The following GRIN2B variants were observed in gnomAD, a reference collection of about 807,000 sequenced individuals.
The protein encoded by GRIN2B is glutamate ionotropic receptor NMDA type subunit 2B.
GRIN2B carries 5 observed loss-of-function variants against 114.5 expected under a neutral mutation model. That is an observed-to-expected ratio of 0.04 (90% confidence interval 0.02 to 0.09). The LOEUF is 0.09. Among genes scored for constraint, GRIN2B ranks in the 10% least tolerant of loss-of-function variants. The probability of loss-of-function intolerance (pLI) is 1.00; values close to 1 mark genes in which losing one functional copy is unlikely to be tolerated. For missense variants in GRIN2B, 1,108 were observed against 1,943.5 expected (o/e 0.57, Z 8.08); for synonymous variants, 787 against 745.1 (o/e 1.06, Z -0.92).
chr12:13,834,197 A>ATTTTTTTTTTT lies in GRIN2B; in HGVS notation c.411+31590_411+31600dup, dbSNP rs756189402. Among the ~76,000 whole-genome samples the ATTTTTTTTTTT allele has an allele frequency of 3.4e-4, 38 of 111,502 alleles. 2 individuals carry two copies. Among genetic ancestry groups the ATTTTTTTTTTT allele is most frequent in the African/African-American group, 1.3e-3 (36 of 27,542 alleles). 73.1% of individuals were successfully genotyped at this position (111,502 alleles called of 152,430 possible). ...AGGTGCCCACCACCACGCCTGGCTA[A>ATTTTTTTTTTT]TTTTTTTTTTTTTTTTTTTTTAGTA... is the stretch of plus-strand genomic sequence containing the variant. On this transcript the variant is annotated intron_variant, in intron 3 of 13. Coordinates refer to ENST00000609686, the MANE Select transcript of GRIN2B (RefSeq NM_000834.5).
chr12:13,791,796 C>T (rs189549589), intron 3 of GRIN2B, among the ~76,000 whole-genome samples: 47 of 152,300 alleles, frequency 3.1e-4, no homozygotes, highest in Non-Finnish European at 5.3e-4. Flanking sequence ...TTTATCTCTT[C>T]TTTAAGCTAA....
intron 3 of GRIN2B, among the ~76,000 whole-genome samples, chr12:13,774,687 A>C (rs1863970132): frequency 6.6e-6 from 1 of 152,230 alleles, no homozygotes; most frequent in Non-Finnish European, 1.5e-5. Flanking sequence ...CATGTCTGGC[A>C]AACAGTTTAG....
chr12:13,597,522 G>A (rs766060354), intron 10 of GRIN2B, among the ~76,000 whole-genome samples: 4 of 152,164 alleles, frequency 2.6e-5, no homozygotes, highest in Non-Finnish European at 5.9e-5. Context: ...TCTGCATAGG[G>A]CACCAATTCA....
At chr12:13,936,004 T>C (rs145968000) in intron 2 of GRIN2B, among the ~76,000 whole-genome samples, 78 of 152,254 alleles carry the variant, frequency 5.1e-4, no homozygotes, top group Non-Finnish European at 7.5e-4. Context: ...GTGGCTGCAC[T>C]GTGCTGAGGA....
intron 2 of GRIN2B, among the ~76,000 whole-genome samples, chr12:13,879,581 C>A (rs1057201867): frequency 5.3e-5 from 8 of 151,502 alleles, no homozygotes; most frequent in Non-Finnish European, 8.8e-5. Flanking sequence ...AATATAGTTG[C>A]AATTTGGTCA....
At chr12:13,714,406 G>A (rs1320047386) in intron 4 of GRIN2B, among the ~76,000 whole-genome samples, 1 of 151,818 alleles carries the variant, frequency 6.6e-6, no homozygotes, top group African/African-American at 2.4e-5. Flanking sequence ...TAGCAAAGCT[G>A]GAGAGAAATA....
At chr12:13,907,610 TATAAC>T (rs1366409656) in intron 2 of GRIN2B, among the ~76,000 whole-genome samples, 1 of 152,194 alleles carries the variant, frequency 6.6e-6, no homozygotes, top group Non-Finnish European at 1.5e-5. Flanking sequence ...GAATAGTGGT[TATAAC>T]ATAACAGGGA....
chr12:13,754,854 C>T (rs932154232), intron 3 of GRIN2B, among the ~76,000 whole-genome samples: 2 of 141,206 alleles, frequency 1.4e-5, no homozygotes, highest in South Asian at 2.1e-4. Flanking sequence ...TTTCTCCTTC[C>T]TTTCCAGGGA....
chr12:13,674,021 T>C (rs931745648), intron 5 of GRIN2B, among the ~76,000 whole-genome samples: 4 of 151,960 alleles, frequency 2.6e-5, no homozygotes, highest in Admixed American at 1.3e-4. Context: ...AACAACCATT[T>C]CTGAACAAAT....
chr12:13,699,669 C>T (rs1401572283), intron 4 of GRIN2B, among the ~76,000 whole-genome samples: 3 of 151,862 alleles, frequency 2.0e-5, no homozygotes, highest in Non-Finnish European at 4.4e-5. Flanking sequence ...CTCACTGCAA[C>T]CTCCGCCTCC....
intron 3 of GRIN2B, among the ~76,000 whole-genome samples, chr12:13,785,710 T>G (rs1240520840): frequency 6.6e-6 from 1 of 152,216 alleles, no homozygotes; most frequent in Non-Finnish European, 1.5e-5. Flanking sequence ...TGCTAAGCAC[T>G]CTATGTGCAT....
intron 3 of GRIN2B, among the ~76,000 whole-genome samples, chr12:13,844,312 G>C (rs142256486): frequency 2.6e-5 from 4 of 151,996 alleles, no homozygotes; most frequent in Non-Finnish European, 4.4e-5. Flanking sequence ...CTCTGTATGG[G>C]CCTATGAATT....
chr12:13,960,816 A>T (rs943201040), intron 2 of GRIN2B, among the ~76,000 whole-genome samples: 2 of 152,216 alleles, frequency 1.3e-5, no homozygotes, highest in Non-Finnish European at 2.9e-5. Flanking sequence ...GTAGCTGTAA[A>T]GAACAAAACA....
At chr12:13,724,669 G>A (rs979793704) in intron 4 of GRIN2B, among the ~76,000 whole-genome samples, 1 of 152,046 alleles carries the variant, frequency 6.6e-6, no homozygotes, top group Non-Finnish European at 1.5e-5. Context: ...CTCCTAGGAT[G>A]CCCTTGTGGG....
rs137924980 is a variant in GRIN2B, at chr12:13,571,040, G to T, written c.2171+764C>A. 9.8e-3 allele frequency among the ~76,000 whole-genome samples: 1,495 copies of T among 152,230 alleles called. 11 individuals are homozygous for T. The highest frequency in any genetic ancestry group is 0.02 in the Middle Eastern group (6 of 294). On this transcript the variant is annotated intron_variant, in intron 11 of 13. Coordinates refer to ENST00000609686, the MANE Select transcript of GRIN2B (RefSeq NM_000834.5). ...TGACTGTATTTATGGTGATAAAATA[G>T]AATCTAACAGTATTTTAAGTAACCA... is the stretch of plus-strand genomic sequence containing the variant.
intron 10 of GRIN2B, among the ~76,000 whole-genome samples, chr12:13,605,437 TATC>T (rs1949227759): frequency 6.6e-6 from 1 of 151,746 alleles, no homozygotes; most frequent in South Asian, 2.1e-4. Flanking sequence ...ATACCCAGGA[TATC>T]AGATGCAGGA....
chr12:13,833,656 C>A (rs1264052813), intron 3 of GRIN2B, among the ~76,000 whole-genome samples: 1 of 152,118 alleles, frequency 6.6e-6, no homozygotes, highest in Non-Finnish European at 1.5e-5. Context: ...ACAGCAGGTG[C>A]AAACATGGGA....
chr12:13,701,011 A>G (rs113439588), intron 4 of GRIN2B, among the ~76,000 whole-genome samples: 49 of 152,242 alleles, frequency 3.2e-4, no homozygotes, highest in African/African-American at 1.1e-3. Flanking sequence ...AGGTCTCAGG[A>G]AACTTACAAC....
chr12:13,641,480 T>G (rs1949715472), intron 5 of GRIN2B, among the ~76,000 whole-genome samples: 1 of 152,160 alleles, frequency 6.6e-6, no homozygotes, highest in African/African-American at 2.4e-5. Context: ...TTTCTCTGAG[T>G]TCTTGACTTC....
Sources: gnomAD v4.1 joint callset for allele counts (sites outside exome capture counted in the v4.1 genomes callset) on GRCh38, gnomAD v4.1.1 for gene constraint, MANE v1.5 for transcripts, NCBI Gene and HGNC (gene_info 2026-07-23, HGNC 2026-07-21) for gene names.